CD38: variants seen among roughly 807,000 people sequenced by gnomAD.
The protein encoded by CD38 is CD38 molecule.
A neutral mutation model predicts 36.3 loss-of-function variants in CD38; 31 were observed. The ratio of observed to expected loss-of-function variants is 0.85; its 90% CI spans 0.64 to 1.15. The LOEUF (loss-of-function observed/expected upper bound fraction) is 1.15. Among genes scored for constraint, CD38 ranks in the 50% most tolerant of loss-of-function variants. The probability of loss-of-function intolerance (pLI) is 0.00; values close to 1 mark genes in which losing one functional copy is unlikely to be tolerated. For missense variants in CD38, 380 were observed against 371.9 expected, an observed-to-expected ratio of 1.02 and a Z score of -0.18; for synonymous variants, 131 against 135.2, an observed-to-expected ratio of 0.97 and a Z score of 0.22.
At position 15,824,901 on chromosome 4, in the gene CD38, A is replaced by G. The variant is rs1723814731; in HGVS notation, c.384A>G (p.Ile128Met). Reference protein sequence around the residue: ...PCNKILLWSRIKDLAHQFTQV... With the variant: ...PCNKILLWSRMKDLAHQFTQV... ...CTTAGATTCTTCTTTGGAGCAGAAT[A>G]AAAGATCTGGCCCATCAGTTCACAC... is the stretch of plus-strand genomic sequence containing the variant. The change falls in exon 3 of 8, where the codon ATA becomes ATG. Residue 128 changes from isoleucine (I) to methionine (M), a missense_variant. Ile to Met is a conservative substitution (Grantham distance 10). Coordinates refer to ENST00000226279, the MANE Select transcript of CD38 (RefSeq NM_001775.4). The G allele has an allele frequency of 6.2e-7, 1 of 1,613,570 alleles. No homozygotes were observed.
intron 4 of CD38, among the ~76,000 whole-genome samples, chr4:15,834,683 G>C (rs2148927050): frequency 6.6e-6 from 1 of 152,264 alleles, no homozygotes; most frequent in East Asian, 1.9e-4. Flanking sequence ...ATCTTTACAT[G>C]AACTAGTAAC....
At chr4:15,780,871 G>A (rs934273804) in intron 1 of CD38, among the ~76,000 whole-genome samples, 14 of 152,148 alleles carry the variant, frequency 9.2e-5, no homozygotes, top group Non-Finnish European at 1.9e-4. Context: ...CACTTTGGGA[G>A]GCCCAGGCAG....
intron 2 of CD38, among the ~76,000 whole-genome samples, chr4:15,822,366 T>G (rs976426589): frequency 6.6e-6 from 1 of 152,026 alleles, no homozygotes; most frequent in African/African-American, 2.4e-5. Context: ...GAGAAAGAAA[T>G]AAAGTCTTTT....
intron 1 of CD38, among the ~76,000 whole-genome samples, chr4:15,812,130 G>A (rs766394699): frequency 6.6e-6 from 1 of 152,176 alleles, no homozygotes; most frequent in Non-Finnish European, 1.5e-5. Flanking sequence ...TATCATCAGA[G>A]TAGGGCCAGT....
chr4:15,822,861 C>T (rs1020418915), intron 2 of CD38, among the ~76,000 whole-genome samples: 9 of 151,904 alleles, frequency 5.9e-5, no homozygotes, highest in African/African-American at 2.2e-4. Context: ...ACCAAAAAAG[C>T]TCATATAGCC....
intron 2 of CD38, 39 bp downstream of exon 2, chr4:15,816,679 A>G: frequency 6.2e-7 from 1 of 1,609,634 alleles, no homozygotes; most frequent in Non-Finnish European, 8.5e-7. Context: ...AACTGGGGAT[A>G]AAAGCCAATG....
intron 3 of CD38, among the ~76,000 whole-genome samples, chr4:15,833,515 T>G (rs900422429): frequency 1.3e-5 from 2 of 152,246 alleles, no homozygotes; most frequent in Non-Finnish European, 2.9e-5. Context: ...GAATGTTTCT[T>G]TTTTATTTGT....
rs1218065475 is a variant in CD38, at chr4:15,845,949, G to C, written c.840-2590G>C. 1.9e-5 allele frequency among the ~76,000 whole-genome samples: 2 copies of C among 106,404 alleles called. 1 individual carries two copies. Among genetic ancestry groups the C allele is most frequent in the African/African-American group, 1.1e-4 (2 of 17,912 alleles). 69.8% of individuals were successfully genotyped at this position (106,404 alleles called of 152,430 possible). A position where few individuals can be genotyped will look rare whatever the true frequency, so the allele number is the denominator to read the frequency against. On this transcript the variant is annotated intron_variant, in intron 7 of 7. Transcript: ENST00000226279. ...AAATGGAAGAACTGCTCATGGGTAG[G>C]AAGAATCAATATCGTGAAAATGGCC...
At chr4:15,814,716 G>A (rs1023819641) in intron 1 of CD38, among the ~76,000 whole-genome samples, 1 of 151,890 alleles carries the variant, frequency 6.6e-6, no homozygotes, top group Non-Finnish European at 1.5e-5. Context: ...TCCATTGCTT[G>A]CTTTTGTCAG....
chr4:15,826,253 T>C (rs1158030373), intron 3 of CD38, among the ~76,000 whole-genome samples: 1 of 152,228 alleles, frequency 6.6e-6, no homozygotes, highest in Non-Finnish European at 1.5e-5. Context: ...TAGATCTTTC[T>C]AGACTTTTCC....
At chr4:15,797,091 C>A (rs142308522) in intron 1 of CD38, among the ~76,000 whole-genome samples, 219 of 152,276 alleles carry the variant, frequency 1.4e-3, no homozygotes, top group Non-Finnish European at 2.6e-3. Flanking sequence ...ACTCCTATTT[C>A]CCCATACCCA....
At position 15,853,226 on chromosome 4, in the gene CD38, T is replaced by C. The variant is rs1724437906; in HGVS notation, c.*4624T>C. The C allele has an allele frequency of 6.6e-6, 1 of 152,218 alleles. No individual in the cohort carries two copies. Among genetic ancestry groups the C allele is most frequent in the Admixed American group, 6.5e-5 (1 of 15,286 alleles). 9.4% of individuals were successfully genotyped at this position (152,218 alleles called of 1,614,324 possible). A position where few individuals can be genotyped will look rare whatever the true frequency, so the allele number is the denominator to read the frequency against. ...AATTAAACAAACAATAAAAGTATAA[T>C]AAAGAACTGTGCTGAATAATTCTTT... On this transcript the variant is annotated 3_prime_UTR_variant, in exon 8 of 8. Transcript: ENST00000226279.
At chr4:15,791,346 A>G (rs1346725447) in intron 1 of CD38, among the ~76,000 whole-genome samples, 2 of 35,660 alleles carry the variant, frequency 5.6e-5, no homozygotes, top group African/African-American at 6.7e-4. Context: ...TCCGGGAGGG[A>G]GGTGGTGGGG....
chr4:15,784,777 G>C (rs887668420), intron 1 of CD38, among the ~76,000 whole-genome samples: 1 of 152,070 alleles, frequency 6.6e-6, no homozygotes, highest in Non-Finnish European at 1.5e-5. Context: ...TTAGGTGCAG[G>C]CGAGGCACGG....
rs1039331184 is a variant in CD38, at chr4:15,849,431, C to A, written c.*829C>A. On this transcript the variant is annotated 3_prime_UTR_variant, in exon 8 of 8. Transcript: ENST00000226279. The stretch of plus-strand genomic sequence containing the variant: ...TACCAAACTAATAGTAGTTTATATT[C>A]TCTTCCAACAAATGCATATTGGATT... 6.6e-6 allele frequency: 1 copy of A among 152,168 alleles called. No homozygotes were observed. Among genetic ancestry groups the A allele is most frequent in the Non-Finnish European group, 1.5e-5 (1 of 68,030 alleles). 9.4% of individuals were successfully genotyped at this position (152,168 alleles called of 1,614,324 possible).
chr4:15,840,128 A>G lies in CD38; in HGVS notation c.752+10A>G. Reference sequence around the variant, plus strand: ...GAAGAGAAGATTCCAGGTATATCTTACTACTTTGTACCCAAGTGTTATTTT... The same window carrying G: ...GAAGAGAAGATTCCAGGTATATCTTGCTACTTTGTACCCAAGTGTTATTTT... On this transcript the variant is annotated intron_variant, in intron 6 of 7. Coordinates refer to ENST00000226279, the MANE Select transcript of CD38 (RefSeq NM_001775.4). 6.5e-7 allele frequency: 1 copy of G among 1,546,678 alleles called. No homozygotes were observed. The highest frequency in any genetic ancestry group is 8.9e-7 in the Non-Finnish European group (1 of 1,118,508).
intron 1 of CD38, among the ~76,000 whole-genome samples, chr4:15,800,450 G>A (rs543738759): frequency 2.2e-4 from 34 of 152,218 alleles, no homozygotes; most frequent in African/African-American, 6.0e-4. Flanking sequence ...GTTGTTCTAC[G>A]TCCTTGTTAA....
At position 15,848,508 on chromosome 4, in the gene CD38, C is replaced by G. The variant is rs772217895; in HGVS notation, c.840-31C>G. The G allele has an allele frequency of 3.2e-6, 5 of 1,580,186 alleles. No individual in the cohort carries two copies. In the South Asian group the frequency reaches 5.6e-5, roughly 18 times the overall value. ...GGACGACAGATGTATCCTACGGTCT[C>G]TTGATTTCCTTTTTTGCTTTCTTGT... On this transcript the variant is annotated intron_variant, in intron 7 of 7. Coordinates refer to ENST00000226279, the MANE Select transcript of CD38 (RefSeq NM_001775.4).
intron 2 of CD38, among the ~76,000 whole-genome samples, chr4:15,818,290 C>T (rs1269676551): frequency 6.6e-6 from 1 of 152,186 alleles, no homozygotes; most frequent in African/African-American, 2.4e-5. Context: ...CTCTAGATTC[C>T]TCCTCACTGG....
Sources: allele counts gnomAD v4.1 joint callset (sites outside exome capture counted in the v4.1 genomes callset), GRCh38; gene constraint gnomAD v4.1.1; transcripts MANE v1.5; gene names NCBI Gene and HGNC (gene_info 2026-07-23, HGNC 2026-07-21).